Variants in PLEKHG7 observed in about 807,000 individuals in gnomAD.
PLEKHG7 encodes pleckstrin homology domain-containing family G member 7.
In PLEKHG7, 77 loss-of-function variants were observed where a neutral mutation model predicts 85.2. The observed-to-expected ratio is 0.90, with a 90% confidence interval of 0.75 to 1.09. The LOEUF (loss-of-function observed/expected upper bound fraction) is 1.09. Among genes scored for constraint, PLEKHG7 ranks in the 50% least tolerant of loss-of-function variants. PLEKHG7 has a pLI of 0.00. For missense variants in PLEKHG7, 777 were observed against 804.3 expected (o/e 0.97, Z 0.41); for synonymous variants, 301 against 302.4 (o/e 1.00, Z 0.05).
intron 15 of PLEKHG7, 118 bp from the exon 16 acceptor site, chr12:92,768,865 C>T (rs1396211038): frequency 7.8e-6 from 5 of 638,104 alleles, no homozygotes; most frequent in African/African-American, 1.9e-5. Context: ...AACCTCCCAC[C>T]CTCGTTAAAA....
chr12:92,709,699 A>G (rs1157274588), intron 3 of PLEKHG7, among the ~76,000 whole-genome samples: 1 of 152,218 alleles, frequency 6.6e-6, no homozygotes, highest in African/African-American at 2.4e-5. Flanking sequence ...CCATTGCCAT[A>G]TGAAATCTGT....
At chr12:92,761,662 G>T (rs1237196400) in intron 13 of PLEKHG7, 90 bp from the exon 14 acceptor site, 5 of 1,329,982 alleles carry the variant, frequency 3.8e-6, no homozygotes, top group Admixed American at 3.9e-5. Flanking sequence ...AAGAAAGAAA[G>T]AAAGAAAGAA....
chr12:92,754,066 T>TCACCTGAAGC, intron 10 of PLEKHG7, 24 bp from the exon 11 acceptor site: 1 of 1,608,210 alleles, frequency 6.2e-7, no homozygotes, highest in Non-Finnish European at 8.5e-7. Flanking sequence ...ATCATTCTGA[T>TCACCTGAAGC]ATGGCTGCTT....
intron 10 of PLEKHG7, among the ~76,000 whole-genome samples, chr12:92,753,415 A>G (rs1459394856): frequency 6.6e-6 from 1 of 152,178 alleles, no homozygotes; most frequent in Non-Finnish European, 1.5e-5. Flanking sequence ...CATTTATGGA[A>G]CCCCAATGGA....
intron 3 of PLEKHG7, among the ~76,000 whole-genome samples, chr12:92,727,595 C>CA (rs1555194841): frequency 2.0e-5 from 3 of 149,084 alleles, no homozygotes; most frequent in Admixed American, 1.3e-4. Flanking sequence ...TAATTTCATG[C>CA]TTTTTTTTTT....
intron 10 of PLEKHG7, among the ~76,000 whole-genome samples, chr12:92,746,066 A>G (rs565400129): frequency 2.6e-5 from 4 of 152,338 alleles, no homozygotes; most frequent in South Asian, 2.1e-4. Flanking sequence ...CTGTGCCAAT[A>G]TGGCAGCTCT....
At chr12:92,769,375 G>A (rs1181715694) in intron 16 of PLEKHG7, among the ~76,000 whole-genome samples, 1 of 152,130 alleles carries the variant, frequency 6.6e-6, no homozygotes, top group African/African-American at 2.4e-5. Flanking sequence ...AACTGCCTGC[G>A]TTCTACAGTT....
At chr12:92,721,017 G>A (rs1445901551) in intron 3 of PLEKHG7, among the ~76,000 whole-genome samples, 1 of 152,134 alleles carries the variant, frequency 6.6e-6, no homozygotes, top group East Asian at 1.9e-4. Context: ...AGTTCCTTAT[G>A]CATCCCTCTA....
rs1301503513 is a variant in PLEKHG7 at position 92,761,642 on chromosome 12, GAAAGAAAGAAAGA to G, written c.1637-107_1637-95del. 1.3e-4 allele frequency: 102 copies of G among 779,336 alleles called. No homozygotes were observed. In the South Asian group the frequency reaches 1.5e-3, roughly 12 times the overall value. The allele number at this position is 779,336 out of a possible 1,614,324, so 48.3% of individuals were successfully genotyped here. A position where few individuals can be genotyped will look rare whatever the true frequency, so the allele number is the denominator to read the frequency against. ...AAGAAAGAAGAAAGAAAGAAAGAAA[GAAAGAAAGAAAGA>G]AAGAAAGAAAGAAAGAAAGAAAGAA... On this transcript the variant is annotated intron_variant, in intron 13 of 16. Transcript: ENST00000344636.
At chr12:92,736,957 T>C (rs1472843510) in intron 6 of PLEKHG7, among the ~76,000 whole-genome samples, 2 of 152,192 alleles carry the variant, frequency 1.3e-5, no homozygotes, top group African/African-American at 4.8e-5. Context: ...ACTTCATGCT[T>C]CTTCAGTAGT....
At chr12:92,714,800 A>G (rs116558603) in intron 3 of PLEKHG7, among the ~76,000 whole-genome samples, 2,733 of 152,310 alleles carry the variant, frequency 0.018, 95 homozygotes, top group African/African-American at 0.062. Flanking sequence ...TTTATGTTGC[A>G]TAACTCTCCA....
chr12:92,771,710 A>G lies in PLEKHG7; in HGVS notation c.*1515A>G, dbSNP rs1272214119. The G allele has an allele frequency of 6.6e-6, 1 of 152,016 alleles. No homozygotes were observed. The highest frequency in any genetic ancestry group is 1.5e-5 in the Non-Finnish European group (1 of 67,912). The allele number at this position is 152,016 out of a possible 1,614,324, so 9.4% of individuals were successfully genotyped here. The stretch of plus-strand genomic sequence containing the variant: ...GTTAAAAAAAATTTTTACATTAACA[A>G]TCATCTTGCAAATGTTTAGATATAA... On this transcript the variant is annotated 3_prime_UTR_variant, in exon 17 of 17. Coordinates refer to ENST00000344636, the MANE Select transcript of PLEKHG7 (RefSeq NM_001377329.1).
At chr12:92,728,470 A>G (rs1402126066) in intron 3 of PLEKHG7, among the ~76,000 whole-genome samples, 27 of 150,958 alleles carry the variant, frequency 1.8e-4, no homozygotes, top group African/African-American at 6.1e-4. Flanking sequence ...ATAAATATAT[A>G]TACACACCAC....
Position 92,770,134 on chromosome 12 carries a change from A to G in PLEKHG7, c.2015A>G (p.Lys672Arg). The G allele has an allele frequency of 6.2e-7, 1 of 1,608,756 alleles. No individual in the cohort carries two copies. Among genetic ancestry groups the G allele is most frequent in the African/African-American group, 1.3e-5 (1 of 74,786 alleles). The change falls in exon 17 of 17, where the codon AAG becomes AGG. Residue 672 changes from lysine to arginine, a missense_variant. Physicochemically the swap from Lys to Arg is conservative, Grantham distance 26. This residue lies in a region of PLEKHG7 where 520 missense variants were observed against 544.0 expected (regional missense o/e 0.96). Coordinates refer to ENST00000344636, the MANE Select transcript of PLEKHG7 (RefSeq NM_001377329.1). ...ACAACTGCAATTTCTTGCTTTACCAAGAGTCAGGAAACCAAGAAAATATCT... is the reference window on the plus strand; with the variant it reads ...ACAACTGCAATTTCTTGCTTTACCAGGAGTCAGGAAACCAAGAAAATATCT... ...QITTAISCFTKSQETKKISLF... is the reference protein window; with the variant it reads ...QITTAISCFTRSQETKKISLF...
chr12:92,737,836 T>C (rs1480111606), intron 7 of PLEKHG7, among the ~76,000 whole-genome samples: 1 of 149,956 alleles, frequency 6.7e-6, no homozygotes, highest in Non-Finnish European at 1.5e-5. Context: ...ATCGTGAAAA[T>C]TTTTATTTGT....
At position 92,767,497 on chromosome 12, in the gene PLEKHG7, CT is replaced by C. The variant is rs59965480; in HGVS notation, c.1871-1473del. ...GAATTAGAGAGTAAAACACAGCCAG[CT>C]TTTTTTTTTTTTCCCCAGAAAGTCA... is the stretch of plus-strand genomic sequence containing the variant. On this transcript the variant is annotated intron_variant, in intron 15 of 16. Coordinates refer to ENST00000344636, the MANE Select transcript of PLEKHG7 (RefSeq NM_001377329.1). 3.6e-3 allele frequency among the ~76,000 whole-genome samples: 528 copies of C among 147,396 alleles called. 3 individuals carry two copies. Among genetic ancestry groups the C allele is most frequent in the African/African-American group, 7.0e-3 (282 of 40,384 alleles).
chr12:92,743,203 A>C (rs1872418939), intron 9 of PLEKHG7, among the ~76,000 whole-genome samples: 1 of 152,136 alleles, frequency 6.6e-6, no homozygotes, highest in Non-Finnish European at 1.5e-5. Flanking sequence ...TACCTGGAAC[A>C]TTACCATTTG....
In PLEKHG7 at chr12:92,755,873, G is replaced by A; in HGVS notation, c.1475G>A (p.Arg492Lys). ...TGGCTGGACAATTTCCAAAAATTTA[G>A]ATATCTACAGGAGATTATAGTGTGG... is the stretch of plus-strand genomic sequence containing the variant. ...VKWLDNFQKF[R>K]YLQEIIVWPP... The change falls in exon 12 of 17, where the codon AGA becomes AAA. Residue 492 changes from arginine to lysine, a missense_variant. Arg to Lys is a conservative substitution (Grantham distance 26, BLOSUM62 2). Coordinates refer to ENST00000344636, the MANE Select transcript of PLEKHG7 (RefSeq NM_001377329.1). 3 of 1,613,640 alleles carry A rather than the reference G, an allele frequency of 1.9e-6. No individual in the cohort carries two copies. Among genetic ancestry groups the A allele is most frequent in the Non-Finnish European group, 2.5e-6 (3 of 1,179,834 alleles).
intron 15 of PLEKHG7, 82 bp from the exon 16 acceptor site, chr12:92,768,901 A>AC: frequency 1.0e-6 from 1 of 959,466 alleles, no homozygotes; most frequent in Non-Finnish European, 1.5e-6. Context: ...TAGAAAACAA[A>AC]CCCCAGATTC....
Sources: allele counts gnomAD v4.1 joint callset (sites outside exome capture counted in the v4.1 genomes callset), GRCh38; gene constraint gnomAD v4.1.1; regional missense constraint gnomAD v4.1.1; transcripts MANE v1.5; gene names NCBI Gene and HGNC (gene_info 2026-07-23, HGNC 2026-07-21).